Variants in MICAL3 observed in about 807,000 individuals in gnomAD.
The protein encoded by MICAL3 is [F-actin]-monooxygenase MICAL3.
In MICAL3, 62 loss-of-function variants were observed where a neutral mutation model predicts 207.4. The ratio of observed to expected loss-of-function variants is 0.30; its 90% CI spans 0.24 to 0.37. The LOEUF is 0.37. Among genes scored for constraint, MICAL3 ranks in the 10% least tolerant of loss-of-function variants. The pLI, the probability that MICAL3 is intolerant of heterozygous loss-of-function variation, is 1.00. For missense variants in MICAL3, 2,368 were observed against 2,635.6 expected, an observed-to-expected ratio of 0.90 and a Z score of 2.22; for synonymous variants, 1,077 against 1,069.3, an observed-to-expected ratio of 1.01 and a Z score of -0.14.
chr22:17,799,715 T>C (rs193057560), intron 29 of MICAL3, among the ~76,000 whole-genome samples: 6 of 152,162 alleles, frequency 3.9e-5, no homozygotes, highest in African/African-American at 1.4e-4. Flanking sequence ...TGGTGTGCAA[T>C]ACTGCAGACA....
chr22:17,967,197 C>T (rs73390523), intron 1 of MICAL3, among the ~76,000 whole-genome samples: 5,154 of 152,220 alleles, frequency 0.034, 293 homozygotes, highest in African/African-American at 0.12. Flanking sequence ...CATAACTACT[C>T]GTTTTCACCA....
intron 29 of MICAL3, among the ~76,000 whole-genome samples, chr22:17,806,000 G>A (rs548530798): frequency 1.6e-4 from 24 of 152,316 alleles, no homozygotes; most frequent in African/African-American, 5.8e-4. Context: ...AAAGTGTTGG[G>A]ATTACAGGCG....
At chr22:18,021,911 C>T (rs60948583) in intron 1 of MICAL3, among the ~76,000 whole-genome samples, 28,985 of 152,182 alleles carry the variant, frequency 0.19, 3,274 homozygotes, top group East Asian at 0.38. Flanking sequence ...ATGGTACCAT[C>T]ATTTATACCT....
intron 1 of MICAL3, among the ~76,000 whole-genome samples, chr22:18,012,923 T>G (rs1923839046): frequency 6.6e-6 from 1 of 152,148 alleles, no homozygotes; most frequent in South Asian, 2.1e-4. Flanking sequence ...CCCCCTTGCT[T>G]GGTAACAGTG....
At chr22:17,951,546 G>A (rs1026076918) in intron 1 of MICAL3, among the ~76,000 whole-genome samples, 5 of 151,660 alleles carry the variant, frequency 3.3e-5, no homozygotes, top group African/African-American at 1.2e-4. Flanking sequence ...GAACAAACAT[G>A]ACCTTGTTCA....
intron 1 of MICAL3, among the ~76,000 whole-genome samples, chr22:17,979,455 G>A (rs993535352): frequency 6.6e-6 from 1 of 152,158 alleles, no homozygotes; most frequent in Non-Finnish European, 1.5e-5. Flanking sequence ...TGAGGCAGGA[G>A]AATCACTTGA....
intron 1 of MICAL3, among the ~76,000 whole-genome samples, chr22:17,976,284 T>A (rs1201405736): frequency 6.6e-6 from 1 of 152,122 alleles, no homozygotes; most frequent in Admixed American, 6.5e-5. Context: ...CCGTGTCTTA[T>A]ACTAGAGTAA....
chr22:17,991,929 A>G (rs1222941764), intron 1 of MICAL3, among the ~76,000 whole-genome samples: 2 of 152,210 alleles, frequency 1.3e-5, no homozygotes, highest in African/African-American at 4.8e-5. Context: ...CGTGGTAGAC[A>G]CAGCACCGTG....
Position 17,790,778 on chromosome 22 carries a change from A to G in MICAL3, c.5963T>C (p.Leu1988Pro). The change falls in exon 32 of 32, where the codon CTG becomes CCG. Residue 1988 changes from leucine (L) to proline (P), a missense_variant. By Grantham distance (98) the Leu-to-Pro change is moderately conservative. Around this residue, in one of 4 missense-constraint regions of MICAL3, gnomAD observed 1,770 missense variants for 1,863.2 expected, o/e 0.95. Transcript: ENST00000441493. Reference protein sequence around the residue: ...RLREREEDKDLEAAMLSKGFS... With the variant: ...RLREREEDKDPEAAMLSKGFS... ...GCCCTTGGACAGCATGGCAGCCTCC[A>G]GGTCCTTGTCCTCCTCTCTCTCCCG... The G allele has an allele frequency of 6.2e-7, 1 of 1,612,092 alleles. No homozygotes were observed. The highest frequency in any genetic ancestry group is 8.5e-7 in the Non-Finnish European group (1 of 1,179,148).
At chr22:18,005,472 C>T (rs1043863562) in intron 1 of MICAL3, 6 of 152,168 alleles carry the variant, frequency 3.9e-5, no homozygotes, top group African/African-American at 1.4e-4. Context: ...AACCTTTTTA[C>T]ATGTAACAAC....
chr22:17,799,430 C>T (rs982033104), intron 29 of MICAL3, among the ~76,000 whole-genome samples: 10 of 152,190 alleles, frequency 6.6e-5, no homozygotes, highest in African/African-American at 2.2e-4. Flanking sequence ...AATTCCTTGG[C>T]GGCTCAGGTT....
At chr22:17,937,350 T>C (rs549906982) in intron 1 of MICAL3, among the ~76,000 whole-genome samples, 1 of 152,298 alleles carries the variant, frequency 6.6e-6, no homozygotes, top group Admixed American at 6.5e-5. Flanking sequence ...CCCGATCTAC[T>C]TCAGTCCCAT....
chr22:17,842,030 C>A lies in MICAL3; in HGVS notation c.2606-13G>T. The A allele has an allele frequency of 6.3e-7, 1 of 1,594,226 alleles. No homozygotes were observed. Among genetic ancestry groups the A allele is most frequent in the Non-Finnish European group, 8.5e-7 (1 of 1,175,660 alleles). The stretch of plus-strand genomic sequence containing the variant: ...TTCACGCCTGAACCTGCGGGACAAG[C>A]ACAGAAGCACTGCACTGAGGTCCAA... On this transcript the variant is annotated splice_polypyrimidine_tract_variant and intron_variant, in intron 19 of 31. Transcript: ENST00000441493.
At chr22:17,908,219 C>T (rs1385589431) in intron 1 of MICAL3, among the ~76,000 whole-genome samples, 1 of 152,196 alleles carries the variant, frequency 6.6e-6, no homozygotes, top group Non-Finnish European at 1.5e-5. Context: ...TGCACGACCC[C>T]GCTGCACAAC....
At chr22:17,845,244 G>GC (rs1277595250) in intron 19 of MICAL3, among the ~76,000 whole-genome samples, 1 of 152,144 alleles carries the variant, frequency 6.6e-6, no homozygotes, top group Non-Finnish European at 1.5e-5. Context: ...ACAACTAACA[G>GC]CCATCAATTC....
chr22:17,980,395 C>T (rs1175859561), intron 1 of MICAL3, among the ~76,000 whole-genome samples: 1 of 152,148 alleles, frequency 6.6e-6, no homozygotes, highest in East Asian at 1.9e-4. Context: ...AATTAACGGC[C>T]TCCTCCACAG....
At chr22:17,800,555 T>C (rs2061926904) in intron 29 of MICAL3, among the ~76,000 whole-genome samples, 1 of 152,104 alleles carries the variant, frequency 6.6e-6, no homozygotes, top group African/African-American at 2.4e-5. Context: ...TCAGAGCCTT[T>C]AGGTAGTTCA....
intron 27 of MICAL3, among the ~76,000 whole-genome samples, chr22:17,811,838 G>GAA (rs2062051512): frequency 2.6e-5 from 4 of 152,164 alleles, no homozygotes; most frequent in Non-Finnish European, 5.9e-5. Context: ...TCAAACTCCT[G>GAA]GACTCACGTG....
chr22:18,002,099 G>C (rs1461019918), intron 1 of MICAL3, among the ~76,000 whole-genome samples: 1 of 152,230 alleles, frequency 6.6e-6, no homozygotes, highest in Non-Finnish European at 1.5e-5. Context: ...TCTGGAGGCT[G>C]AGGCAGGAGA....
Sources: allele counts gnomAD v4.1 joint callset (sites outside exome capture counted in the v4.1 genomes callset), GRCh38; gene constraint gnomAD v4.1.1; regional missense constraint gnomAD v4.1.1; transcripts MANE v1.5; gene names NCBI Gene and HGNC (gene_info 2026-07-23, HGNC 2026-07-21).